Variants in BAZ2B observed in about 807,000 individuals in gnomAD.
BAZ2B encodes the protein bromodomain adjacent to zinc finger domain 2B.
In BAZ2B, 91 loss-of-function variants were observed where a neutral mutation model predicts 246.0. That is an observed-to-expected ratio of 0.37 (90% confidence interval 0.31 to 0.44). The LOEUF (loss-of-function observed/expected upper bound fraction) is 0.44. Among genes scored for constraint, BAZ2B ranks in the 20% least tolerant of loss-of-function variants. The pLI is 1.00. For missense variants in BAZ2B, 2,332 were observed against 2,533.7 expected (o/e 0.92, Z 1.71); for synonymous variants, 855 against 860.0 (o/e 0.99, Z 0.10).
chr2:159,428,524 T>A lies in BAZ2B; in HGVS notation c.2256-105A>T. The A allele has an allele frequency of 1.3e-6, 1 of 776,422 alleles. No homozygotes were observed. The highest frequency in any genetic ancestry group is 1.8e-5 in the African/African-American group (1 of 56,316). 48.1% of individuals were successfully genotyped at this position (776,422 alleles called of 1,614,324 possible). A position where few individuals can be genotyped will look rare whatever the true frequency, so the allele number is the denominator to read the frequency against. ...CATGTTCTCTAGAAAACATAAAAAA[T>A]GAAAACAAAAATAAACTCCTCAAAC... On this transcript the variant is annotated intron_variant, in intron 11 of 36. Transcript: ENST00000392783.
At chr2:159,651,658 C>A in the BAZ2B span, among the ~76,000 whole-genome samples, 1 of 152,070 alleles carries the variant, frequency 6.6e-6, no homozygotes, top group Non-Finnish European at 1.5e-5. Flanking sequence ...TTTGTACAAC[C>A]ATCACTACAG....
intron 1 of BAZ2B, among the ~76,000 whole-genome samples, chr2:159,606,367 T>TA (rs1334382433): frequency 6.6e-6 from 1 of 152,230 alleles, no homozygotes; most frequent in Non-Finnish European, 1.5e-5. Flanking sequence ...CATGCTGCAC[T>TA]AACAACCCAG....
chr2:159,346,148 A>C (rs1427609567), intron 31 of BAZ2B, among the ~76,000 whole-genome samples: 1 of 152,194 alleles, frequency 6.6e-6, no homozygotes, highest in Non-Finnish European at 1.5e-5. Flanking sequence ...ATAGTTTACT[A>C]GCACAATAGT....
intron 27 of BAZ2B, among the ~76,000 whole-genome samples, chr2:159,354,352 A>ATAT (rs551773667): frequency 6.6e-6 from 1 of 151,782 alleles, no homozygotes; most frequent in Admixed American, 6.6e-5. Flanking sequence ...AATTAAAAAA[A>ATAT]ATATATATAT....
chr2:159,395,060 C>T (rs1352618291), intron 20 of BAZ2B, among the ~76,000 whole-genome samples: 4 of 152,006 alleles, frequency 2.6e-5, no homozygotes, highest in East Asian at 1.9e-4. Context: ...TTATCTCACT[C>T]AAAAATCCCA....
chr2:159,602,490 C>T (rs1287576944), intron 1 of BAZ2B, among the ~76,000 whole-genome samples: 2 of 151,918 alleles, frequency 1.3e-5, no homozygotes. Context: ...ACATTACTTC[C>T]TAATTATTTT....
chr2:159,411,859 A>G lies in BAZ2B; in HGVS notation c.2677+476T>C, dbSNP rs993761446. ...TTGTTATTCTGAAAATATATATACT[A>G]TATCTGGACTACAGGAGAACCCAAA... is the stretch of plus-strand genomic sequence containing the variant. On this transcript the variant is annotated intron_variant, in intron 14 of 36. Coordinates refer to ENST00000392783, the MANE Select transcript of BAZ2B (RefSeq NM_013450.4). 3 of 668,322 alleles carry G rather than the reference A, an allele frequency of 4.5e-6. No individual in the cohort carries two copies. The African/African-American group carries it at 5.9e-5, about 13-fold the overall frequency. The allele number at this position is 668,322 out of a possible 1,614,324, so 41.4% of individuals were successfully genotyped here.
At chr2:159,512,425 A>G (rs1368247380) in intron 2 of BAZ2B, among the ~76,000 whole-genome samples, 2 of 152,172 alleles carry the variant, frequency 1.3e-5, no homozygotes, top group Non-Finnish European at 2.9e-5. Flanking sequence ...TCACTTTTAC[A>G]ATGAAAATAC....
chr2:159,491,528 G>A (rs1318276953), intron 2 of BAZ2B, among the ~76,000 whole-genome samples: 2 of 150,418 alleles, frequency 1.3e-5, no homozygotes, highest in Non-Finnish European at 3.0e-5. Context: ...AGACCATCCC[G>A]GCTAAAACGG....
At chr2:159,513,658 T>G (rs1432378937) in intron 2 of BAZ2B, among the ~76,000 whole-genome samples, 1 of 152,196 alleles carries the variant, frequency 6.6e-6, no homozygotes. Context: ...AGAAATCTTT[T>G]TGGTTGTACC....
At chr2:159,574,870 T>C (rs1248584791) in intron 1 of BAZ2B, among the ~76,000 whole-genome samples, 1 of 151,378 alleles carries the variant, frequency 6.6e-6, no homozygotes, top group Non-Finnish European at 1.5e-5. Context: ...CTCAAGAAGC[T>C]GAGGCAGGAG....
Position 159,433,029 on chromosome 2 carries a change from C to G in BAZ2B, c.1628G>C (p.Arg543Thr). ...TACAGGTGTCTGATTGCCAGGGGTT[C>G]TTCTCCCACTTGTACTCAGATTTAC... is the stretch of plus-strand genomic sequence containing the variant. ...SPVNLSTSGRRTPGNQTPVMP... is the reference protein window; with the variant it reads ...SPVNLSTSGRTTPGNQTPVMP... Residue 543 changes from arginine (R) to threonine (T), a missense_variant, in exon 9 of 37, where the codon AGA (arginine) becomes ACA (threonine). Physicochemically the swap from Arg to Thr is moderately conservative, Grantham distance 71 (BLOSUM62 -1). This residue lies in a region of BAZ2B where 651 missense variants were observed against 650.9 expected (regional missense o/e 1.00). Transcript: ENST00000392783. 5 of 1,614,182 alleles carry G rather than the reference C, an allele frequency of 3.1e-6. No homozygotes were observed. The highest frequency in any genetic ancestry group is 3.4e-6 in the Non-Finnish European group (4 of 1,180,016).
intron 14 of BAZ2B, among the ~76,000 whole-genome samples, chr2:159,408,916 T>C (rs887366691): frequency 5.9e-5 from 9 of 151,692 alleles, no homozygotes; most frequent in Non-Finnish European, 1.2e-4. Flanking sequence ...TGAAACTCTA[T>C]CTCAAAATAA....
At chr2:159,547,589 A>ACC (rs748658985) in intron 2 of BAZ2B, among the ~76,000 whole-genome samples, 6 of 152,204 alleles carry the variant, frequency 3.9e-5, no homozygotes, top group Non-Finnish European at 8.8e-5. Flanking sequence ...GGTGTTCTAC[A>ACC]AAGTGTGAGT....
the BAZ2B span, among the ~76,000 whole-genome samples, chr2:159,667,154 T>C: frequency 1.8e-5 from 1 of 54,460 alleles, no homozygotes; most frequent in South Asian, 7.4e-4. Flanking sequence ...TTTCTCCTGT[T>C]TTTTTTTTTT....
At chr2:159,543,017 T>C (rs1285480568) in intron 2 of BAZ2B, among the ~76,000 whole-genome samples, 1 of 152,134 alleles carries the variant, frequency 6.6e-6, no homozygotes, top group African/African-American at 2.4e-5. Flanking sequence ...ATAGCTCAGT[T>C]TTCCCACCTG....
chr2:159,349,774 T>C lies in BAZ2B; in HGVS notation c.4797A>G (p.Pro1599=). Residue 1599 remains proline (P), a synonymous_variant, in exon 28 of 37, where the codon CCA becomes CCG. Transcript: ENST00000392783. ...TCTGAGCAGAAGATCCAAGAGGAGC[T>C]GGGGTAGGTGAAGGTGACTTAGATG... ...QPPSKSPSPT[P]APLGSSAQNP... 6.2e-7 allele frequency: 1 copy of C among 1,614,056 alleles called. No homozygotes were observed. Among genetic ancestry groups the C allele is most frequent in the Non-Finnish European group, 8.5e-7 (1 of 1,179,990 alleles).
chr2:159,385,318 T>C lies in BAZ2B; in HGVS notation c.3523A>G (p.Asn1175Asp), dbSNP rs2062502085. The C allele has an allele frequency of 6.2e-7, 1 of 1,613,178 alleles. No homozygotes were observed. Among genetic ancestry groups the C allele is most frequent in the Non-Finnish European group, 8.5e-7 (1 of 1,179,588 alleles). Residue 1175 changes from asparagine (N) to aspartate (D), a missense_variant, in exon 23 of 37, where the codon AAT becomes GAT. By Grantham distance (23) the Asn-to-Asp change is conservative. Transcript: ENST00000392783. Reference sequence around the variant, plus strand: ...AATATCTGTAAAATCTCGGAAACATTGTCTCGATTCACACCAACATTCAGC... The same window carrying C: ...AATATCTGTAAAATCTCGGAAACATCGTCTCGATTCACACCAACATTCAGC... ...HLLNVGVNRD[N>D]VSEILQIFME...
At chr2:159,522,357 C>T (rs1221596212) in intron 2 of BAZ2B, among the ~76,000 whole-genome samples, 1 of 152,160 alleles carries the variant, frequency 6.6e-6, no homozygotes, top group African/African-American at 2.4e-5. Context: ...TTCAATTCAC[C>T]TGTGCTACAG....
Sources: allele counts gnomAD v4.1 joint callset (sites outside exome capture counted in the v4.1 genomes callset), GRCh38; gene constraint gnomAD v4.1.1; regional missense constraint gnomAD v4.1.1; transcripts MANE v1.5; gene names NCBI Gene and HGNC (gene_info 2026-07-23, HGNC 2026-07-21).